Variants in RIMBP2 observed in about 807,000 individuals in gnomAD.
RIMBP2 encodes RIMS-binding protein 2.
A neutral mutation model predicts 118.6 loss-of-function variants in RIMBP2; 48 were observed. The ratio of observed to expected loss-of-function variants is 0.40; its 90% confidence interval spans 0.32 to 0.51. The LOEUF is 0.51. Ranked by LOEUF, RIMBP2 falls within the 20% of genes least tolerant of loss-of-function variation. RIMBP2 has a pLI of 0.41. For synonymous variants in RIMBP2, 762 were observed against 742.9 expected (o/e 1.03, Z -0.42); for missense variants, 1,551 against 1,768.3 (o/e 0.88, Z 2.20).
intron 4 of RIMBP2, among the ~76,000 whole-genome samples, chr12:130,479,794 G>A (rs1052930433): frequency 1.1e-4 from 17 of 151,706 alleles, no homozygotes; most frequent in African/African-American, 3.9e-4. Context: ...GGACAGAGCC[G>A]GGTTCCTGGC....
At chr12:130,671,472 A>G (rs2136450855) in intron 1 of RIMBP2, among the ~76,000 whole-genome samples, 1 of 152,246 alleles carries the variant, frequency 6.6e-6, no homozygotes, top group South Asian at 2.1e-4. Flanking sequence ...CACCACTGGG[A>G]TTTAAGCCGC....
chr12:130,535,067 C>T (rs535747040), intron 2 of RIMBP2, among the ~76,000 whole-genome samples: 181 of 152,354 alleles, frequency 1.2e-3, no homozygotes, highest in African/African-American at 4.2e-3. Flanking sequence ...TTAGCAAGCT[C>T]ACGTCAGACC....
At chr12:130,480,847 T>G (rs1484787868) in intron 4 of RIMBP2, among the ~76,000 whole-genome samples, 1 of 152,224 alleles carries the variant, frequency 6.6e-6, no homozygotes. Flanking sequence ...GCGATCCGCC[T>G]GCCTCGGCCT....
At chr12:130,535,130 T>C (rs2053874142) in intron 2 of RIMBP2, among the ~76,000 whole-genome samples, 1 of 152,246 alleles carries the variant, frequency 6.6e-6, no homozygotes, top group Non-Finnish European at 1.5e-5. Context: ...TCCGGAGTGT[T>C]TCAGCTTCCC....
intron 3 of RIMBP2, among the ~76,000 whole-genome samples, chr12:130,516,632 A>G (rs1593610932): frequency 6.6e-6 from 1 of 152,246 alleles, no homozygotes; most frequent in Non-Finnish European, 1.5e-5. Context: ...AGAAGCTCCC[A>G]GCTGTTGAAG....
intron 2 of RIMBP2, among the ~76,000 whole-genome samples, chr12:130,615,911 A>G (rs1460902248): frequency 6.6e-6 from 1 of 152,088 alleles, no homozygotes; most frequent in African/African-American, 2.4e-5. Context: ...CAGACAAGCT[A>G]CATGGAGAAG....
At chr12:130,604,471 C>CCACTCACTCACTCACT (rs140093680) in intron 2 of RIMBP2, among the ~76,000 whole-genome samples, 2 of 133,972 alleles carry the variant, frequency 1.5e-5, no homozygotes, top group Admixed American at 1.6e-4. Context: ...CATTCACTCT[C>CCACTCACTCACTCACT]CACTCACTCA....
At chr12:130,414,518 A>G in intron 17 of RIMBP2, 1 of 454,878 alleles carries the variant, frequency 2.2e-6, no homozygotes, top group Non-Finnish European at 3.9e-6. Context: ...GTACCTGGCC[A>G]CACTGCATGT....
At chr12:130,686,087 T>C (rs912953163) in intron 1 of RIMBP2, among the ~76,000 whole-genome samples, 1 of 152,146 alleles carries the variant, frequency 6.6e-6, no homozygotes, top group Non-Finnish European at 1.5e-5. Flanking sequence ...CTGCTCTTCC[T>C]AGCTGGTTTT....
intron 4 of RIMBP2, among the ~76,000 whole-genome samples, chr12:130,500,116 A>G (rs1215097049): frequency 6.6e-6 from 1 of 152,216 alleles, no homozygotes; most frequent in Admixed American, 6.5e-5. Context: ...TGACTCTTCA[A>G]GTGAAAATTA....
In RIMBP2 at chr12:130,628,326, A is replaced by G. The variant is rs1457440431; in HGVS notation, c.-221T>C. On this transcript the variant is annotated 5_prime_UTR_variant, in exon 2 of 23. Transcript: ENST00000690449. Reference sequence around the variant, plus strand: ...AGAAAAGAAAGGACGACTTACCACAAAGTTTCTCTGCTGAGTTCCTGGTCT... The same window carrying G: ...AGAAAAGAAAGGACGACTTACCACAGAGTTTCTCTGCTGAGTTCCTGGTCT... The G allele has an allele frequency of 7.9e-5, 12 of 152,152 alleles. No individual in the cohort carries two copies. The highest frequency in any genetic ancestry group is 7.2e-4 in the Admixed American group (11 of 15,286). The allele number at this position is 152,152 out of a possible 1,614,324, so 9.4% of individuals were successfully genotyped here.
intron 4 of RIMBP2, among the ~76,000 whole-genome samples, chr12:130,488,651 T>C (rs2082679540): frequency 6.6e-6 from 1 of 151,314 alleles, no homozygotes; most frequent in African/African-American, 2.4e-5. Flanking sequence ...GAGATATTAA[T>C]CAATGTTTCT....
chr12:130,579,970 G>A (rs1057282406), intron 2 of RIMBP2, among the ~76,000 whole-genome samples: 1 of 148,300 alleles, frequency 6.7e-6, no homozygotes, highest in Non-Finnish European at 1.5e-5. Context: ...ATCACCTGAG[G>A]TCAGGAGTTC....
chr12:130,453,302 C>T (rs1432080687), intron 7 of RIMBP2, among the ~76,000 whole-genome samples: 3 of 152,248 alleles, frequency 2.0e-5, no homozygotes, highest in Non-Finnish European at 1.5e-5. Flanking sequence ...CCCTTTGTGG[C>T]CTGCCCCAGC....
rs1018289847 is a variant in RIMBP2, at chr12:130,617,944, T to G, written c.-217+10378A>C. On this transcript the variant is annotated intron_variant, in intron 2 of 22. Coordinates refer to ENST00000690449, the MANE Select transcript of RIMBP2 (RefSeq NM_001393629.1). This position sits in a 1 kb window ranked among gnomAD's most constrained non-coding sequence, Gnocchi z 4.6. Reference sequence around the variant, plus strand: ...TGGTGGCCCACGCCTGTAATCCCAGTACCTTGGGACGCTGAGGCGGGAGGA... The same window carrying G: ...TGGTGGCCCACGCCTGTAATCCCAGGACCTTGGGACGCTGAGGCGGGAGGA... Among the ~76,000 whole-genome samples, 1 of 140,866 alleles carries G rather than the reference T, an allele frequency of 7.1e-6. No individual in the cohort carries two copies. Among genetic ancestry groups the G allele is most frequent in the Non-Finnish European group, 1.5e-5 (1 of 66,490 alleles). The allele number at this position is 140,866 out of a possible 152,430, so 92.4% of individuals were successfully genotyped here. A position where few individuals can be genotyped will look rare whatever the true frequency, so the allele number is the denominator to read the frequency against.
Position 130,406,227 on chromosome 12 carries a change from C to A in RIMBP2, c.3710G>T (p.Cys1237Phe). Residue 1237 changes from cysteine (C) to phenylalanine (F), a missense_variant, in exon 21 of 23, where the codon TGC becomes TTC. Physicochemically the swap from Cys to Phe is radical, Grantham distance 205. Around this residue, in one of 5 missense-constraint regions of RIMBP2, gnomAD observed 1,038 missense variants for 1,125.1 expected, o/e 0.92. Coordinates refer to ENST00000690449, the MANE Select transcript of RIMBP2 (RefSeq NM_001393629.1). ...AAAAACTGTAATAATATCTCCTGTGCAAAATGTAAGTTCGGCCTGTGGAGA... is the reference window on the plus strand; with the variant it reads ...AAAAACTGTAATAATATCTCCTGTGAAAAATGTAAGTTCGGCCTGTGGAGA... ...NVDVEAELTF[C>F]TGDIITVFGE... 1 of 1,603,448 alleles carries A rather than the reference C, an allele frequency of 6.2e-7. No individual in the cohort carries two copies. The highest frequency in any genetic ancestry group is 8.5e-7 in the Non-Finnish European group (1 of 1,172,604).
rs753623693 is a variant in RIMBP2, at chr12:130,437,146, T to A, written c.1802A>T (p.Glu601Val). 2 of 1,573,246 alleles carry A rather than the reference T, an allele frequency of 1.3e-6. No homozygotes were observed. The highest frequency in any genetic ancestry group is 2.3e-5 in the South Asian group (2 of 87,452). ...GTGGGGGGTAGGAGGCACCAGGAGC[T>A]CGGGGGGAACGGCAGCAACTGCAGA... The part of the protein sequence containing the change: ...VDSAVAAVPP[E>V]LLVPPTPHPR... The change falls in exon 13 of 23, where the codon GAG (glutamate) becomes GTG (valine). Residue 601 changes from glutamate (E) to valine (V), a missense_variant. Around this residue, in one of 5 missense-constraint regions of RIMBP2, gnomAD observed 1,038 missense variants for 1,125.1 expected, o/e 0.92. Transcript: ENST00000690449.
At chr12:130,430,790 C>T (rs1415708648) in intron 14 of RIMBP2, 1 of 152,034 alleles carries the variant, frequency 6.6e-6, no homozygotes, top group East Asian at 1.9e-4. Context: ...GCCACCACGC[C>T]CAGCTAATTT....
At position 130,623,446 on chromosome 12, in the gene RIMBP2, G is replaced by C. The variant is rs534103019; in HGVS notation, c.-217+4876C>G. Among the ~76,000 whole-genome samples the C allele has an allele frequency of 5.3e-5, 8 of 151,286 alleles. No homozygotes were observed. The highest frequency in any genetic ancestry group is 5.3e-4 in the Admixed American group (8 of 15,198). ...CCTGAAGTAGAGGCACATTTGCACA[G>C]ATTCTCGAGTAATGTACACAGGTAG... On this transcript the variant is annotated intron_variant, in intron 2 of 22. Transcript: ENST00000690449. The surrounding 1 kb of genome is among the most constrained non-coding windows in gnomAD (Gnocchi z 4.1).
Sources: allele counts gnomAD v4.1 joint callset (sites outside exome capture counted in the v4.1 genomes callset), GRCh38; gene constraint gnomAD v4.1.1; regional missense constraint gnomAD v4.1.1; non-coding constraint Gnocchi (gnomAD v3.1); transcripts MANE v1.5; gene names NCBI Gene and HGNC (gene_info 2026-07-23, HGNC 2026-07-21).